Variants in SORCS3 observed in about 807,000 individuals in gnomAD.
SORCS3 encodes sortilin related VPS10 domain containing receptor 3.
In SORCS3, 57 loss-of-function variants were observed where a neutral mutation model predicts 146.3. The observed-to-expected ratio is 0.39, with a 90% CI of 0.31 to 0.49. The LOEUF is 0.49. Ranked by LOEUF, SORCS3 falls within the 20% of genes least tolerant of loss-of-function variation. SORCS3 has a pLI of 0.92. For synonymous variants in SORCS3, 653 were observed against 618.5 expected, an observed-to-expected ratio of 1.06 and a Z score of -0.83; for missense variants, 1,341 against 1,575.5, an observed-to-expected ratio of 0.85 and a Z score of 2.52.
At chr10:104,838,461 A>G (rs894449616) in intron 1 of SORCS3, among the ~76,000 whole-genome samples, 5 of 152,080 alleles carry the variant, frequency 3.3e-5, no homozygotes, top group African/African-American at 1.2e-4. Flanking sequence ...TTTGCTTGGC[A>G]TAGAATGTCT....
chr10:105,147,640 C>T lies in SORCS3; in HGVS notation c.1326C>T (p.Asp442=), dbSNP rs147429425. 355 of 1,612,508 alleles carry T rather than the reference C, an allele frequency of 2.2e-4. 2 individuals carry two copies. The Middle Eastern group carries it at 7.8e-3, about 35-fold the overall frequency. Residue 442 remains aspartate, a synonymous_variant, in exon 9 of 27, where the codon GAC becomes GAT. Transcript: ENST00000369701. ...AGGACATGCACATCATCAGTACAGA[C>T]GAGAACCAAGTATTTGCTGCGGTCC... The part of the protein sequence containing the change: ...LPKDMHIIST[D]ENQVFAAVQE...
At chr10:104,773,705 A>G (rs1410413190) in intron 1 of SORCS3, among the ~76,000 whole-genome samples, 2 of 152,202 alleles carry the variant, frequency 1.3e-5, no homozygotes, top group East Asian at 3.9e-4. Flanking sequence ...CAAATGAGAC[A>G]TTGGGATATA....
intron 1 of SORCS3, among the ~76,000 whole-genome samples, chr10:104,699,818 G>A (rs1279846092): frequency 6.6e-6 from 1 of 152,148 alleles, no homozygotes; most frequent in Non-Finnish European, 1.5e-5. Context: ...GGAGCTAATA[G>A]ATTTTTTAAA....
intron 4 of SORCS3, among the ~76,000 whole-genome samples, chr10:104,984,924 GC>G (rs1267649789): frequency 6.6e-6 from 1 of 152,118 alleles, no homozygotes; most frequent in Non-Finnish European, 1.5e-5. Context: ...GATCATCTGA[GC>G]CTTAAGCAAA....
intron 1 of SORCS3, among the ~76,000 whole-genome samples, chr10:104,696,284 G>A (rs1334090247): frequency 9.0e-6 from 1 of 111,012 alleles, no homozygotes; most frequent in African/African-American, 3.9e-5. Flanking sequence ...TATGATATAT[G>A]ATATATATCA....
chr10:105,155,530 T>C (rs2119491183), intron 9 of SORCS3, among the ~76,000 whole-genome samples: 1 of 152,310 alleles, frequency 6.6e-6, no homozygotes, highest in South Asian at 2.1e-4. Flanking sequence ...GGTAGAAGGT[T>C]CTAGAGAATC....
intron 14 of SORCS3, among the ~76,000 whole-genome samples, chr10:105,184,039 C>T (rs1323810041): frequency 6.6e-6 from 1 of 152,174 alleles, no homozygotes; most frequent in Non-Finnish European, 1.5e-5. Flanking sequence ...ATAATAACCT[C>T]TATTGAAGAA....
chr10:104,740,919 C>A (rs1306554831), intron 1 of SORCS3, among the ~76,000 whole-genome samples: 1 of 151,804 alleles, frequency 6.6e-6, no homozygotes, highest in Non-Finnish European at 1.5e-5. Flanking sequence ...TTGGAAATCT[C>A]AGTTTTAAAG....
At chr10:105,046,040 T>C (rs2055369634) in intron 5 of SORCS3, among the ~76,000 whole-genome samples, 1 of 152,106 alleles carries the variant, frequency 6.6e-6, no homozygotes, top group Non-Finnish European at 1.5e-5. Flanking sequence ...ATAATTCTTA[T>C]GAAGTGATCA....
chr10:104,940,238 ATTTTTTTT>A (rs1186082602), intron 3 of SORCS3, among the ~76,000 whole-genome samples: 4,584 of 31,404 alleles, frequency 0.15, 256 homozygotes, highest in Non-Finnish European at 0.19. Context: ...ATATATATAT[ATTTTTTTT>A]TTTTTTTTTA....
intron 2 of SORCS3, among the ~76,000 whole-genome samples, chr10:104,886,147 A>G (rs1247481740): frequency 6.6e-6 from 1 of 152,144 alleles, no homozygotes; most frequent in Non-Finnish European, 1.5e-5. Context: ...TGCATCTTTA[A>G]TACTTTTTTT....
intron 1 of SORCS3, among the ~76,000 whole-genome samples, chr10:104,696,611 AAT>A (rs370943645): frequency 0.027 from 2,383 of 87,254 alleles, 194 homozygotes; most frequent in Non-Finnish European, 0.03. Flanking sequence ...TATTATATAT[AAT>A]ATATATTATA....
At chr10:104,725,176 G>C (rs1053877309) in intron 1 of SORCS3, among the ~76,000 whole-genome samples, 1 of 152,156 alleles carries the variant, frequency 6.6e-6, no homozygotes. Context: ...CTTTCTCTTT[G>C]TTAGTTTTCC....
intron 3 of SORCS3, among the ~76,000 whole-genome samples, chr10:104,925,134 C>T (rs1355156976): frequency 6.6e-6 from 1 of 152,166 alleles, no homozygotes; most frequent in Non-Finnish European, 1.5e-5. Context: ...TATTTAACTC[C>T]CACTATGAGT....
chr10:104,722,449 T>G (rs2016561401), intron 1 of SORCS3, among the ~76,000 whole-genome samples: 1 of 152,200 alleles, frequency 6.6e-6, no homozygotes, highest in Admixed American at 6.5e-5. Flanking sequence ...CTTTTTTTGT[T>G]GTGTCTCACC....
At chr10:105,148,626 T>G (rs149793984) in intron 9 of SORCS3, among the ~76,000 whole-genome samples, 53 of 152,114 alleles carry the variant, frequency 3.5e-4, no homozygotes, top group South Asian at 1.0e-3. Context: ...CCATACAGAC[T>G]GTGATGGTTG....
chr10:104,719,842 G>T (rs1055442148), intron 1 of SORCS3, among the ~76,000 whole-genome samples: 1 of 152,182 alleles, frequency 6.6e-6, no homozygotes, highest in African/African-American at 2.4e-5. Context: ...TTGGAAGTGT[G>T]TGAATGTATG....
intron 21 of SORCS3, among the ~76,000 whole-genome samples, chr10:105,246,722 C>T (rs1039718466): frequency 2.0e-5 from 3 of 152,192 alleles, no homozygotes; most frequent in Admixed American, 6.5e-5. Flanking sequence ...TAGTTTTATG[C>T]ATTACCACAA....
intron 4 of SORCS3, among the ~76,000 whole-genome samples, chr10:104,981,670 G>C (rs2054932284): frequency 6.6e-6 from 1 of 152,170 alleles, no homozygotes; most frequent in Non-Finnish European, 1.5e-5. Context: ...GTACAGAGCT[G>C]AATGTTTAAA....
Sources: gnomAD v4.1 joint callset for allele counts (sites outside exome capture counted in the v4.1 genomes callset) on GRCh38, gnomAD v4.1.1 for gene constraint, MANE v1.5 for transcripts, NCBI Gene and HGNC (gene_info 2026-07-23, HGNC 2026-07-21) for gene names.